SNTG2: variants seen among roughly 807,000 people sequenced by gnomAD.
The protein encoded by SNTG2 is gamma-2-syntrophin.
A neutral mutation model predicts 70.9 loss-of-function variants in SNTG2; 74 were observed. The observed-to-expected ratio is 1.04, with a 90% CI of 0.86 to 1.27. SNTG2 has a LOEUF of 1.27. Ranked by LOEUF, SNTG2 falls within the 50% of genes most tolerant of loss-of-function variation. SNTG2 has a pLI of 0.00. For synonymous variants in SNTG2, 278 were observed against 273.8 expected (o/e 1.02, Z -0.15); for missense variants, 717 against 690.7 (o/e 1.04, Z -0.43).
intron 1 of SNTG2, among the ~76,000 whole-genome samples, chr2:997,406 G>C (rs1457167661): frequency 1.3e-5 from 2 of 152,194 alleles, no homozygotes; most frequent in African/African-American, 4.8e-5. Context: ...AATGAAGTGA[G>C]AGATGTAGGA....
intron 1 of SNTG2, among the ~76,000 whole-genome samples, chr2:979,297 A>G (rs1004799788): frequency 1.2e-4 from 19 of 152,336 alleles, no homozygotes; most frequent in African/African-American, 4.6e-4. Context: ...AGCATTCCCC[A>G]GTATTTAACA....
At chr2:1,169,277 G>A (rs28613519) in intron 7 of SNTG2, among the ~76,000 whole-genome samples, 2 of 151,838 alleles carry the variant, frequency 1.3e-5, no homozygotes, top group Admixed American at 6.6e-5. Flanking sequence ...AAAGCAGGGG[G>A]TGCTTTCGGA....
Position 1,293,334 on chromosome 2 carries a change from TTTTCTA to T in SNTG2, c.1285-15156_1285-15151del, listed in dbSNP as rs140035983. 9.3e-4 allele frequency among the ~76,000 whole-genome samples: 141 copies of T among 152,214 alleles called. 2 individuals are homozygous for T. The Middle Eastern group carries it at 0.024, about 26-fold the overall frequency. On this transcript the variant is annotated intron_variant, in intron 14 of 16. Coordinates refer to ENST00000308624, the MANE Select transcript of SNTG2 (RefSeq NM_018968.4). ...TGCATCCATTGATTTTCTATATTGT[TTTTCTA>T]TTTTGTCTTTTTAAAAATTTCTTCT...
intron 14 of SNTG2, among the ~76,000 whole-genome samples, chr2:1,285,454 A>C (rs910325121): frequency 4.6e-5 from 7 of 152,310 alleles, no homozygotes; most frequent in Admixed American, 4.6e-4. Context: ...ATTACACCTA[A>C]CATAATACAA....
chr2:1,010,493 G>A (rs1260446740), intron 1 of SNTG2, among the ~76,000 whole-genome samples: 1 of 152,192 alleles, frequency 6.6e-6, no homozygotes, highest in Non-Finnish European at 1.5e-5. Context: ...GCATTTATCT[G>A]AGCATTTTGC....
At chr2:1,116,609 G>C (rs1252590080) in intron 4 of SNTG2, among the ~76,000 whole-genome samples, 2 of 147,262 alleles carry the variant, frequency 1.4e-5, no homozygotes. Flanking sequence ...CGGGTGCCCT[G>C]GTGTGTGGGT....
At chr2:1,293,092 G>A (rs574557964) in intron 14 of SNTG2, among the ~76,000 whole-genome samples, 5 of 150,220 alleles carry the variant, frequency 3.3e-5, no homozygotes, top group African/African-American at 1.2e-4. Context: ...TGTGTCACAC[G>A]AATTTTTTCA....
intron 9 of SNTG2, among the ~76,000 whole-genome samples, chr2:1,234,858 C>T (rs1178029460): frequency 6.6e-5 from 10 of 152,220 alleles, no homozygotes; most frequent in Non-Finnish European, 1.3e-4. Context: ...GGACTCTGGA[C>T]TCAGATTCCT....
intron 16 of SNTG2, among the ~76,000 whole-genome samples, chr2:1,361,607 G>C (rs971056210): frequency 6.6e-6 from 1 of 152,126 alleles, no homozygotes; most frequent in Non-Finnish European, 1.5e-5. Context: ...AGTCACCGAC[G>C]CTGAGCATTT....
At chr2:981,534 CATG>C (rs1192360004) in intron 1 of SNTG2, among the ~76,000 whole-genome samples, 1 of 152,118 alleles carries the variant, frequency 6.6e-6, no homozygotes, top group African/African-American at 2.4e-5. Flanking sequence ...GTTCCAAACT[CATG>C]AGCACACACA....
In SNTG2 at chr2:985,439, C is replaced by T. The variant is rs570823250; in HGVS notation, c.72+34371C>T. On this transcript the variant is annotated intron_variant, in intron 1 of 16. Transcript: ENST00000308624. ...TTTTCTTTCCTAGGAAGTGGAAAAA[C>T]CAGACCCTCAAATTAAGCTGAGGGG... is the stretch of plus-strand genomic sequence containing the variant. Among the ~76,000 whole-genome samples, 4 of 152,156 alleles carry T rather than the reference C, an allele frequency of 2.6e-5. No homozygotes were observed. The South Asian group carries it at 8.3e-4, about 32-fold the overall frequency.
intron 6 of SNTG2, among the ~76,000 whole-genome samples, chr2:1,146,601 A>G (rs1009736469): frequency 6.6e-6 from 1 of 152,214 alleles, no homozygotes; most frequent in African/African-American, 2.4e-5. Flanking sequence ...GCAGTATTGA[A>G]GTAGAACAAA....
At position 957,447 on chromosome 2, in the gene SNTG2, A is replaced by G. The variant is rs1660203234; in HGVS notation, c.72+6379A>G. On this transcript the variant is annotated intron_variant, in intron 1 of 16. Coordinates refer to ENST00000308624, the MANE Select transcript of SNTG2 (RefSeq NM_018968.4). The stretch of plus-strand genomic sequence containing the variant: ...TTGGAGAATTGCTTTATCATGATGC[A>G]CCTTACGTACGTGCAGACACAGACA... 2.0e-5 allele frequency among the ~76,000 whole-genome samples: 3 copies of G among 152,094 alleles called. No homozygotes were observed. In the South Asian group the frequency reaches 6.2e-4, roughly 32 times the overall value.
chr2:1,077,474 G>T (rs1663995231), intron 1 of SNTG2, among the ~76,000 whole-genome samples: 1 of 151,946 alleles, frequency 6.6e-6, no homozygotes, highest in Non-Finnish European at 1.5e-5. Flanking sequence ...TCTCCTTTTG[G>T]GAATGACTTT....
chr2:1,183,885 C>A (rs1053354711), intron 8 of SNTG2, among the ~76,000 whole-genome samples: 10 of 151,250 alleles, frequency 6.6e-5, no homozygotes, highest in African/African-American at 2.4e-4. Flanking sequence ...ATTTTTTTTT[C>A]TCAAACAAAT....
At chr2:1,098,454 G>A (rs779924505) in intron 4 of SNTG2, 44 bp downstream of exon 4, 7 of 1,565,790 alleles carry the variant, frequency 4.5e-6, no homozygotes, top group Non-Finnish European at 6.1e-6. Context: ...ACAGCCATTT[G>A]TGAGATAACA....
chr2:1,319,406 T>G (rs1681424754), intron 16 of SNTG2, among the ~76,000 whole-genome samples: 1 of 152,124 alleles, frequency 6.6e-6, no homozygotes, highest in Admixed American at 6.5e-5. Context: ...CACTTAGAAA[T>G]GAGTGTAGGG....
chr2:1,013,987 A>C (rs867638202), intron 1 of SNTG2, among the ~76,000 whole-genome samples: 10 of 9,194 alleles, frequency 1.1e-3, no homozygotes, highest in African/African-American at 4.1e-3. Context: ...CTGGAGAGGG[A>C]TTTATATGGG....
chr2:1,055,558 A>C (rs1189861348), intron 1 of SNTG2, among the ~76,000 whole-genome samples: 2 of 152,114 alleles, frequency 1.3e-5, no homozygotes, highest in African/African-American at 2.4e-5. Context: ...ATCGAGACAA[A>C]AATACTAATT....
Sources: allele counts gnomAD v4.1 joint callset (sites outside exome capture counted in the v4.1 genomes callset), GRCh38; gene constraint gnomAD v4.1.1; transcripts MANE v1.5; gene names NCBI Gene and HGNC (gene_info 2026-07-23, HGNC 2026-07-21).